The following CYP2C18 variants were observed in gnomAD, a reference collection of about 807,000 sequenced individuals.
The protein encoded by CYP2C18 is cytochrome P450 2C18.
Under a neutral mutation model 41.3 loss-of-function variants are expected in CYP2C18, and 38 were observed. The observed-to-expected ratio is 0.92, with a 90% CI of 0.71 to 1.21. CYP2C18 has a LOEUF of 1.21. Ranked by LOEUF, CYP2C18 falls within the 50% of genes most tolerant of loss-of-function variation. CYP2C18 has a pLI of 0.00. For missense variants in CYP2C18, 635 were observed against 591.4 expected (o/e 1.07, Z -0.77); for synonymous variants, 236 against 210.0 (o/e 1.12, Z -1.07).
intron 4 of CYP2C18, among the ~76,000 whole-genome samples, chr10:94,704,277 G>A (rs949561429): frequency 2.0e-5 from 3 of 151,586 alleles, no homozygotes; most frequent in African/African-American, 7.3e-5. Context: ...AGTAGCTCTG[G>A]AAATCAGAGT....
chr10:94,724,567 C>A (rs756155200), intron 7 of CYP2C18, 34 bp downstream of exon 7: 1 of 1,577,808 alleles, frequency 6.3e-7, no homozygotes. Flanking sequence ...CATCTCCATG[C>A]TCTTCAAGTC....
chr10:94,716,874 G>A (rs1413127630), intron 5 of CYP2C18, among the ~76,000 whole-genome samples: 1 of 152,144 alleles, frequency 6.6e-6, no homozygotes, highest in Non-Finnish European at 1.5e-5. Flanking sequence ...CCTGTATTGG[G>A]TGCATATATA....
At chr10:94,703,212 T>A (rs766019423) in intron 4 of CYP2C18, among the ~76,000 whole-genome samples, 3 of 152,010 alleles carry the variant, frequency 2.0e-5, no homozygotes, top group African/African-American at 4.8e-5. Flanking sequence ...GGCTCAGGGG[T>A]CAGGGACCCA....
chr10:94,703,152 C>T (rs535709623), intron 4 of CYP2C18, among the ~76,000 whole-genome samples: 1 of 152,196 alleles, frequency 6.6e-6, no homozygotes, highest in Non-Finnish European at 1.5e-5. Context: ...CAGAGTTCTC[C>T]TGTATGACAT....
chr10:94,701,258 G>A (rs757222441), intron 4 of CYP2C18, among the ~76,000 whole-genome samples: 8 of 152,024 alleles, frequency 5.3e-5, no homozygotes, highest in Non-Finnish European at 1.2e-4. Context: ...AGAAAATATG[G>A]CACATATACA....
At chr10:94,720,784 G>C (rs1041165587) in intron 6 of CYP2C18, among the ~76,000 whole-genome samples, 1 of 152,120 alleles carries the variant, frequency 6.6e-6, no homozygotes, top group Non-Finnish European at 1.5e-5. Flanking sequence ...GGATTTTAGT[G>C]ACTAAATACT....
intron 5 of CYP2C18, among the ~76,000 whole-genome samples, chr10:94,716,482 T>C (rs1025940178): frequency 7.9e-5 from 12 of 152,222 alleles, no homozygotes; most frequent in African/African-American, 2.9e-4. Flanking sequence ...TTGCATGTAA[T>C]TGAGTGGTTT....
intron 5 of CYP2C18, among the ~76,000 whole-genome samples, chr10:94,714,565 G>A (rs1847505193): frequency 1.3e-5 from 2 of 152,170 alleles, no homozygotes; most frequent in African/African-American, 2.4e-5. Context: ...GTACCATGCT[G>A]TTTTGGTTAC....
intron 3 of CYP2C18, among the ~76,000 whole-genome samples, chr10:94,694,374 A>G (rs1412457504): frequency 1.3e-5 from 2 of 152,192 alleles, no homozygotes; most frequent in Non-Finnish European, 1.5e-5. Context: ...TGTATAACAT[A>G]GATGACTTTT....
At chr10:94,712,802 A>G (rs145601021) in intron 5 of CYP2C18, among the ~76,000 whole-genome samples, 1 of 152,330 alleles carries the variant, frequency 6.6e-6, no homozygotes. Flanking sequence ...TTACATTCCC[A>G]TCAACAGTAC....
At chr10:94,731,428 C>A (rs887597680) in intron 7 of CYP2C18, among the ~76,000 whole-genome samples, 4 of 151,766 alleles carry the variant, frequency 2.6e-5, no homozygotes, top group African/African-American at 9.7e-5. Flanking sequence ...CCAAAGCAAT[C>A]TACTGATTCA....
At chr10:94,706,061 T>G (rs1398252529) in intron 4 of CYP2C18, among the ~76,000 whole-genome samples, 1 of 152,206 alleles carries the variant, frequency 6.6e-6, no homozygotes, top group Non-Finnish European at 1.5e-5. Flanking sequence ...GGAGAACAGA[T>G]GCTACCAGGA....
chr10:94,698,260 A>G (rs1213949641), intron 4 of CYP2C18, among the ~76,000 whole-genome samples: 2 of 152,228 alleles, frequency 1.3e-5, no homozygotes, highest in African/African-American at 4.8e-5. Flanking sequence ...ATGTAAGAGA[A>G]CAGAAATTAT....
Position 94,695,049 on chromosome 10 carries a change from T to G in CYP2C18, c.614T>G (p.Leu205Arg). The stretch of plus-strand genomic sequence containing the variant: ...TTGATGGAAAAATTCAATGAAAACC[T>G]CAGGATTCTGAGCTCTCCATGGATC... ...LNLMEKFNEN[L>R]RILSSPWIQV... The change falls in exon 4 of 9, where the codon CTC becomes CGC. Residue 205 changes from leucine to arginine, a missense_variant. Transcript: ENST00000285979. 6.2e-7 allele frequency: 1 copy of G among 1,612,836 alleles called. No individual in the cohort carries two copies. The highest frequency in any genetic ancestry group is 8.5e-7 in the Non-Finnish European group (1 of 1,179,780).
intron 7 of CYP2C18, among the ~76,000 whole-genome samples, chr10:94,729,587 A>T (rs192602264): frequency 1.3e-5 from 2 of 152,308 alleles, no homozygotes; most frequent in East Asian, 3.9e-4. Context: ...TGGTAAAGAG[A>T]AGCCTTTTGC....
chr10:94,691,272 C>A (rs944835446), intron 3 of CYP2C18, among the ~76,000 whole-genome samples: 1 of 152,110 alleles, frequency 6.6e-6, no homozygotes, highest in Non-Finnish European at 1.5e-5. Context: ...ATCTAGAAAA[C>A]CCCATCATCT....
intron 7 of CYP2C18, among the ~76,000 whole-genome samples, chr10:94,726,765 T>G (rs1028955020): frequency 7.2e-5 from 11 of 152,154 alleles, no homozygotes; most frequent in African/African-American, 2.4e-4. Context: ...TCCAGTGCCT[T>G]CTAACACATG....
intron 1 of CYP2C18, 140 bp from the exon 2 acceptor site, chr10:94,687,630 A>G: frequency 2.3e-6 from 2 of 859,088 alleles, no homozygotes; most frequent in Non-Finnish European, 3.6e-6. Context: ...ATCTTTGTCT[A>G]AAATATACAA....
chr10:94,711,643 T>G (rs1335426669), intron 5 of CYP2C18, among the ~76,000 whole-genome samples: 2 of 152,016 alleles, frequency 1.3e-5, no homozygotes, highest in African/African-American at 4.8e-5. Flanking sequence ...CCTCCTGAAC[T>G]CAAGTATTCC....
Sources: allele counts gnomAD v4.1 joint callset (sites outside exome capture counted in the v4.1 genomes callset), GRCh38; gene constraint gnomAD v4.1.1; transcripts MANE v1.5; gene names NCBI Gene and HGNC (gene_info 2026-07-23, HGNC 2026-07-21).